ITGBL1: variants seen among roughly 807,000 people sequenced by gnomAD.
ITGBL1 encodes integrin beta-like protein 1.
Under a neutral mutation model 68.5 loss-of-function variants are expected in ITGBL1, and 51 were observed. The ratio of observed to expected loss-of-function variants is 0.74; its 90% CI spans 0.59 to 0.94. The LOEUF is 0.94. Ranked by LOEUF, ITGBL1 falls within the 40% of genes least tolerant of loss-of-function variation. The pLI is 0.00. For missense variants in ITGBL1, 649 were observed against 647.4 expected, an observed-to-expected ratio of 1.00 and a Z score of -0.03; for synonymous variants, 209 against 227.3, an observed-to-expected ratio of 0.92 and a Z score of 0.72.
chr13:101,521,980 C>T (rs571722755), intron 2 of ITGBL1, among the ~76,000 whole-genome samples: 57 of 151,418 alleles, frequency 3.8e-4, no homozygotes, highest in Admixed American at 1.8e-3. Flanking sequence ...TCTGCTGTGA[C>T]GGCAACATGG....
chr13:101,523,712 A>G (rs875115), intron 2 of ITGBL1, among the ~76,000 whole-genome samples: 1 of 141,220 alleles, frequency 7.1e-6, no homozygotes. Flanking sequence ...CTTCAAATGG[A>G]TGCACACAAG....
chr13:101,615,255 G>A (rs2031305984), intron 7 of ITGBL1, among the ~76,000 whole-genome samples: 1 of 151,808 alleles, frequency 6.6e-6, no homozygotes, highest in African/African-American at 2.4e-5. Flanking sequence ...TCGGACTTAG[G>A]GCCCACCCTA....
intron 7 of ITGBL1, among the ~76,000 whole-genome samples, chr13:101,626,659 TTTAAA>T (rs1353592232): frequency 6.6e-6 from 1 of 152,220 alleles, no homozygotes; most frequent in Non-Finnish European, 1.5e-5. Flanking sequence ...AGGATTTGAA[TTTAAA>T]TTAAAATCCA....
At chr13:101,459,385 T>C (rs1162869914) in intron 2 of ITGBL1, among the ~76,000 whole-genome samples, 1 of 152,238 alleles carries the variant, frequency 6.6e-6, no homozygotes. Context: ...TGATTTTATG[T>C]ATGTATGTAT....
Position 101,715,844 on chromosome 13 carries a change from A to T in ITGBL1, c.*190A>T. The T allele has an allele frequency of 4.3e-6, 2 of 463,060 alleles. No homozygotes were observed. Among genetic ancestry groups the T allele is most frequent in the Non-Finnish European group, 3.9e-6 (1 of 258,506 alleles). The allele number at this position is 463,060 out of a possible 1,614,324, so 28.7% of individuals were successfully genotyped here. A position where few individuals can be genotyped will look rare whatever the true frequency, so the allele number is the denominator to read the frequency against. ...TTATGCAAATTTAGATGCAAATAAC[A>T]TTAGAAAAAAAAGATTCTTCCATAA... On this transcript the variant is annotated 3_prime_UTR_variant, in exon 11 of 11. Coordinates refer to ENST00000376180, the MANE Select transcript of ITGBL1 (RefSeq NM_004791.3).
chr13:101,477,203 T>C (rs968666710), intron 2 of ITGBL1, among the ~76,000 whole-genome samples: 1 of 152,106 alleles, frequency 6.6e-6, no homozygotes, highest in Non-Finnish European at 1.5e-5. Context: ...TTGGAAACTA[T>C]GCAGACACAC....
chr13:101,601,022 C>A (rs2030340064), intron 7 of ITGBL1, among the ~76,000 whole-genome samples: 1 of 152,176 alleles, frequency 6.6e-6, no homozygotes, highest in African/African-American at 2.4e-5. Context: ...GGTACCAGCT[C>A]CTCCTTGTAC....
At chr13:101,504,555 C>T (rs1345599482) in intron 2 of ITGBL1, among the ~76,000 whole-genome samples, 1 of 152,050 alleles carries the variant, frequency 6.6e-6, no homozygotes, top group Non-Finnish European at 1.5e-5. Flanking sequence ...ATTATCCATC[C>T]ACAACTAATA....
rs190566773 is a variant in ITGBL1, at chr13:101,531,910, T to A, written c.317-35789T>A. On this transcript the variant is annotated intron_variant, in intron 2 of 10. Coordinates refer to ENST00000376180, the MANE Select transcript of ITGBL1 (RefSeq NM_004791.3). ...CACAGGCCTGGCTAATTTTTTTTAT[T>A]TTTTTGGTAGAGACGGGGTTTCACC... is the stretch of plus-strand genomic sequence containing the variant. Among the ~76,000 whole-genome samples, 215 of 151,712 alleles carry A rather than the reference T, an allele frequency of 1.4e-3. 1 individual carries two copies. Among genetic ancestry groups the A allele is most frequent in the African/African-American group, 5.0e-3 (208 of 41,410 alleles).
Position 101,454,041 on chromosome 13 carries a change from G to T in ITGBL1, c.257G>T (p.Gly86Val). The change falls in exon 2 of 11, where the codon GGG becomes GTG. Residue 86 changes from glycine to valine, a missense_variant. Transcript: ENST00000376180. ...GTGACTGAGCCGGGCATGTTCTTCG[G>T]GCCCCTGTGTGAGTGCCATGAGTGG... is the stretch of plus-strand genomic sequence containing the variant. ...CHVTEPGMFF[G>V]PLCECHEWVC... 3.8e-6 allele frequency: 6 copies of T among 1,593,146 alleles called. No homozygotes were observed. Among genetic ancestry groups the T allele is most frequent in the Non-Finnish European group, 5.1e-6 (6 of 1,170,458 alleles).
chr13:101,622,929 G>GTGTC lies in ITGBL1; in HGVS notation c.1015+24633_1015+24634insCTGT, dbSNP rs1208964125. Among the ~76,000 whole-genome samples the GTGTC allele has an allele frequency of 3.6e-4, 55 of 151,794 alleles. 1 individual carries two copies. The East Asian group carries it at 0.01, about 28-fold the overall frequency. ...GTGGGGTATGTATGTGTGTGTGTGT[G>GTGTC]TGTGTGTGTGTGTGTTTTCCTGTAG... On this transcript the variant is annotated intron_variant, in intron 7 of 10. Coordinates refer to ENST00000376180, the MANE Select transcript of ITGBL1 (RefSeq NM_004791.3).
At chr13:101,671,774 A>G (rs2033383813) in intron 7 of ITGBL1, among the ~76,000 whole-genome samples, 1 of 152,146 alleles carries the variant, frequency 6.6e-6, no homozygotes, top group Non-Finnish European at 1.5e-5. Context: ...GGAAAAATTT[A>G]CTTTTTATCC....
intron 2 of ITGBL1, among the ~76,000 whole-genome samples, chr13:101,547,831 A>G (rs2049852490): frequency 6.6e-6 from 1 of 151,620 alleles, no homozygotes; most frequent in African/African-American, 2.4e-5. Flanking sequence ...AAATACATAC[A>G]CCTATTATGC....
chr13:101,598,395 G>C (rs2030122784), intron 7 of ITGBL1, 96 bp downstream of exon 7: 1 of 1,048,668 alleles, frequency 9.5e-7, no homozygotes, highest in Non-Finnish European at 1.3e-6. Context: ...TTTGTTTTTT[G>C]TTTTCTGCTT....
intron 7 of ITGBL1, among the ~76,000 whole-genome samples, chr13:101,664,207 G>GA (rs2033157100): frequency 6.6e-6 from 1 of 152,110 alleles, no homozygotes; most frequent in Non-Finnish European, 1.5e-5. Context: ...CTGGATTCCA[G>GA]AAAAAATTAT....
chr13:101,541,416 G>A (rs1015598714), intron 2 of ITGBL1, among the ~76,000 whole-genome samples: 2 of 152,120 alleles, frequency 1.3e-5, no homozygotes, highest in African/African-American at 4.8e-5. Context: ...CTTGATCACG[G>A]TGGATAAGCT....
At chr13:101,598,733 G>C (rs1040397468) in intron 7 of ITGBL1, among the ~76,000 whole-genome samples, 1 of 152,022 alleles carries the variant, frequency 6.6e-6, no homozygotes, top group Non-Finnish European at 1.5e-5. Context: ...ATGGTTTCCA[G>C]TTTCATCCAT....
chr13:101,558,529 C>G (rs1056856422), intron 2 of ITGBL1, among the ~76,000 whole-genome samples: 1 of 152,106 alleles, frequency 6.6e-6, no homozygotes, highest in African/African-American at 2.4e-5. Flanking sequence ...ACAAAGAGAA[C>G]GGAGAATGTC....
At chr13:101,557,991 A>T (rs1195940031) in intron 2 of ITGBL1, among the ~76,000 whole-genome samples, 1 of 148,830 alleles carries the variant, frequency 6.7e-6, no homozygotes, top group Non-Finnish European at 1.5e-5. Flanking sequence ...TGTGAGACTA[A>T]GGCAGGAGAA....
Sources: gnomAD v4.1 joint callset for allele counts (sites outside exome capture counted in the v4.1 genomes callset) on GRCh38, gnomAD v4.1.1 for gene constraint, MANE v1.5 for transcripts, NCBI Gene and HGNC (gene_info 2026-07-23, HGNC 2026-07-21) for gene names.